Variants in TCF4 observed in about 807,000 individuals in gnomAD.
TCF4 encodes the protein transcription factor 4, also known as SL3-3 enhancer factor 2.
Under a neutral mutation model 82.1 loss-of-function variants are expected in TCF4, and 3 were observed. The observed-to-expected ratio is 0.04, with a 90% CI of 0.02 to 0.09. TCF4 has a LOEUF of 0.09. Among genes scored for constraint, TCF4 ranks in the 10% least tolerant of loss-of-function variants. TCF4 has a pLI of 1.00. For synonymous variants in TCF4, 276 were observed against 309.6 expected (o/e 0.89, Z 1.14); for missense variants, 518 against 852.7 (o/e 0.61, Z 4.89).
chr18:55,411,612 C>A (rs2094348087), intron 5 of TCF4, among the ~76,000 whole-genome samples: 1 of 152,144 alleles, frequency 6.6e-6, no homozygotes, highest in South Asian at 2.1e-4. Flanking sequence ...TCCTCAAATT[C>A]AATTCATGGC....
At chr18:55,481,128 A>C (rs2096420625) in intron 3 of TCF4, among the ~76,000 whole-genome samples, 2 of 139,398 alleles carry the variant, frequency 1.4e-5, no homozygotes, top group Non-Finnish European at 3.1e-5. Context: ...AAAAAAAAAA[A>C]ATCTGGGATG....
intron 5 of TCF4, among the ~76,000 whole-genome samples, chr18:55,417,069 C>T (rs2919451): frequency 0.5 from 76,154 of 152,126 alleles, 21,178 homozygotes; most frequent in African/African-American, 0.77. Flanking sequence ...GGCCCGACGA[C>T]GGAAGAGGGG....
chr18:55,454,416 C>T (rs574572350), intron 5 of TCF4, among the ~76,000 whole-genome samples: 1 of 152,230 alleles, frequency 6.6e-6, no homozygotes, highest in South Asian at 2.1e-4. Context: ...CGTTTAAACC[C>T]TATCTATCTA....
At chr18:55,399,454 A>T (rs545606263) in intron 6 of TCF4, among the ~76,000 whole-genome samples, 1 of 152,294 alleles carries the variant, frequency 6.6e-6, no homozygotes, top group South Asian at 2.1e-4. Context: ...GCTGAAGAAG[A>T]AAAAGAATTT....
intron 15 of TCF4, among the ~76,000 whole-genome samples, chr18:55,243,821 C>T (rs945848284): frequency 1.2e-4 from 19 of 152,124 alleles, no homozygotes; most frequent in African/African-American, 4.3e-4. Context: ...GCAAATTTCA[C>T]ATGGTAAAGA....
At chr18:55,597,658 C>G (rs1189209738) in intron 2 of TCF4, among the ~76,000 whole-genome samples, 1 of 150,446 alleles carries the variant, frequency 6.6e-6, no homozygotes, top group African/African-American at 2.5e-5. Context: ...CAAAGCAAGA[C>G]TCTGTCTCAA....
At chr18:55,312,462 TA>T (rs2072827654) in intron 8 of TCF4, among the ~76,000 whole-genome samples, 1 of 152,224 alleles carries the variant, frequency 6.6e-6, no homozygotes, top group Non-Finnish European at 1.5e-5. Flanking sequence ...AAAAGCACCA[TA>T]AAACCAAAAC....
At chr18:55,418,581 G>A (rs997750778) in intron 5 of TCF4, among the ~76,000 whole-genome samples, 2 of 152,058 alleles carry the variant, frequency 1.3e-5, no homozygotes, top group African/African-American at 4.8e-5. Flanking sequence ...TCATAATCCT[G>A]TTAGGTAGAT....
At chr18:55,325,304 A>G (rs1039450522) in intron 8 of TCF4, among the ~76,000 whole-genome samples, 1 of 152,238 alleles carries the variant, frequency 6.6e-6, no homozygotes, top group African/African-American at 2.4e-5. Flanking sequence ...GAGAGAAAAT[A>G]TGACTAAAGA....
At chr18:55,549,452 G>A (rs2097239103) in intron 3 of TCF4, among the ~76,000 whole-genome samples, 1 of 151,784 alleles carries the variant, frequency 6.6e-6, no homozygotes, top group South Asian at 2.1e-4. Context: ...ATACTATATA[G>A]CTGCACAAAA....
chr18:55,399,696 G>A (rs1011301977), intron 6 of TCF4, among the ~76,000 whole-genome samples: 1 of 152,050 alleles, frequency 6.6e-6, no homozygotes, highest in Non-Finnish European at 1.5e-5. Flanking sequence ...TTAATACAGG[G>A]TATATTTCTA....
chr18:55,447,548 T>G (rs1257789715), intron 5 of TCF4, among the ~76,000 whole-genome samples: 5 of 152,164 alleles, frequency 3.3e-5, no homozygotes, highest in African/African-American at 1.2e-4. Flanking sequence ...GCTGGGTGAA[T>G]GACTGTACGA....
chr18:55,540,181 T>C (rs2097153691), intron 3 of TCF4, among the ~76,000 whole-genome samples: 1 of 151,588 alleles, frequency 6.6e-6, no homozygotes, highest in South Asian at 2.1e-4. Flanking sequence ...CAAATACTAG[T>C]TGAGAAGATT....
intron 11 of TCF4, chr18:55,267,413 G>A (rs2059425531): frequency 6.6e-6 from 1 of 152,054 alleles, no homozygotes; most frequent in Admixed American, 6.6e-5. Flanking sequence ...TTGTTATACA[G>A]ACACGCTGCC....
At chr18:55,455,706 T>C (rs2095737275) in intron 5 of TCF4, among the ~76,000 whole-genome samples, 1 of 152,190 alleles carries the variant, frequency 6.6e-6, no homozygotes, top group Non-Finnish European at 1.5e-5. Context: ...TATTTGACCT[T>C]TGGAACTTTC....
intron 3 of TCF4, among the ~76,000 whole-genome samples, chr18:55,567,367 A>G (rs2097418780): frequency 6.6e-6 from 1 of 152,258 alleles, no homozygotes; most frequent in Admixed American, 6.5e-5. Context: ...GGAAAAATTT[A>G]TAAATTCATC....
At chr18:55,330,982 C>T (rs1280991405) in intron 8 of TCF4, among the ~76,000 whole-genome samples, 2 of 152,162 alleles carry the variant, frequency 1.3e-5, no homozygotes, top group African/African-American at 4.8e-5. Flanking sequence ...ACCTTTGTTC[C>T]AATCCCTAAC....
chr18:55,439,316 T>C (rs1276123025), intron 5 of TCF4, among the ~76,000 whole-genome samples: 1 of 152,106 alleles, frequency 6.6e-6, no homozygotes, highest in Non-Finnish European at 1.5e-5. Context: ...GGCACCACGC[T>C]GAGGACAGCA....
chr18:55,591,011 T>C (rs1190863615), upstream of TCF4: 1 of 152,232 alleles, frequency 6.6e-6, no homozygotes, highest in Non-Finnish European at 1.5e-5. Flanking sequence ...CATTCAACCA[T>C]ATTCCTATAT....
Sources: allele counts gnomAD v4.1 joint callset (sites outside exome capture counted in the v4.1 genomes callset), GRCh38; gene constraint gnomAD v4.1.1; transcripts MANE v1.5; gene names NCBI Gene and HGNC (gene_info 2026-07-23, HGNC 2026-07-21).